The following SRGAP3 variants were observed in gnomAD, a reference collection of about 807,000 sequenced individuals.
SRGAP3 encodes the protein SLIT-ROBO Rho GTPase activating protein 3.
Under a neutral mutation model 121.1 loss-of-function variants are expected in SRGAP3, and 39 were observed. That is an observed-to-expected ratio of 0.32 (90% CI 0.25 to 0.42). The LOEUF (loss-of-function observed/expected upper bound fraction) is 0.42. SRGAP3 is among the 10% of genes least tolerant of loss of function. The pLI is 1.00. For missense variants in SRGAP3, 1,213 were observed against 1,470.6 expected, an observed-to-expected ratio of 0.82 and a Z score of 2.86; for synonymous variants, 601 against 570.0, an observed-to-expected ratio of 1.05 and a Z score of -0.77.
At chr3:8,999,744 G>A (rs1040340136) in intron 18 of SRGAP3, among the ~76,000 whole-genome samples, 1 of 152,114 alleles carries the variant, frequency 6.6e-6, no homozygotes, top group African/African-American at 2.4e-5. Context: ...ATGACCTTGG[G>A]TTCTTTCTTT....
intron 1 of SRGAP3, among the ~76,000 whole-genome samples, chr3:9,163,142 C>T (rs1341316196): frequency 6.6e-6 from 1 of 152,214 alleles, no homozygotes; most frequent in Non-Finnish European, 1.5e-5. Flanking sequence ...CTGTTAACAT[C>T]ATCTGGCCCA....
intron 3 of SRGAP3, among the ~76,000 whole-genome samples, chr3:9,103,454 T>C (rs1262555847): frequency 6.6e-6 from 1 of 152,150 alleles, no homozygotes; most frequent in African/African-American, 2.4e-5. Context: ...CCATGGGTAT[T>C]TATCTCCATC....
chr3:9,173,298 C>T (rs7623397), intron 1 of SRGAP3, among the ~76,000 whole-genome samples: 1,814 of 152,306 alleles, frequency 0.012, 36 homozygotes, highest in African/African-American at 0.041. Context: ...GTTCTAATGC[C>T]GGGGCTGTGC....
chr3:9,021,230 G>A (rs1027410735), intron 14 of SRGAP3, among the ~76,000 whole-genome samples: 5 of 152,212 alleles, frequency 3.3e-5, no homozygotes, highest in African/African-American at 1.2e-4. Context: ...TCCAAACCCT[G>A]CGTAGATATG....
At chr3:9,089,055 C>T (rs1017719735) in intron 3 of SRGAP3, among the ~76,000 whole-genome samples, 6 of 152,042 alleles carry the variant, frequency 3.9e-5, no homozygotes, top group South Asian at 2.1e-4. Flanking sequence ...TCCATTTACA[C>T]GGGTGTTTAT....
At chr3:9,128,836 G>C (rs989707449) in intron 1 of SRGAP3, among the ~76,000 whole-genome samples, 1 of 152,174 alleles carries the variant, frequency 6.6e-6, no homozygotes, top group East Asian at 1.9e-4. Context: ...AAAGAAGCCA[G>C]AACGAATGAG....
chr3:9,168,983 C>A (rs1484091577), intron 1 of SRGAP3, among the ~76,000 whole-genome samples: 2 of 152,226 alleles, frequency 1.3e-5, no homozygotes, highest in Non-Finnish European at 2.9e-5. Flanking sequence ...CAGGTGAGAG[C>A]AAGATTTCAG....
At chr3:9,325,839 T>A (rs1301967499) in intron 3 of SRGAP3, among the ~76,000 whole-genome samples, 1 of 151,948 alleles carries the variant, frequency 6.6e-6, no homozygotes, top group African/African-American at 2.4e-5. Context: ...TAAGTGTACA[T>A]AATAGACCCC....
intron 1 of SRGAP3, among the ~76,000 whole-genome samples, chr3:9,126,165 A>G (rs1019451421): frequency 2.0e-5 from 3 of 152,140 alleles, no homozygotes; most frequent in Non-Finnish European, 4.4e-5. Flanking sequence ...CTGCCTGACA[A>G]CGTGCCTCAG....
chr3:9,192,366 C>T (rs924511258), intron 1 of SRGAP3: 1 of 152,228 alleles, frequency 6.6e-6, no homozygotes, highest in African/African-American at 2.4e-5. Context: ...CATGCTGTAT[C>T]GGTTTGATTC....
rs1338773732 is a variant in SRGAP3, at chr3:8,990,594, T to C, written c.2804A>G (p.His935Arg). 2 of 1,604,064 alleles carry C rather than the reference T, an allele frequency of 1.2e-6. No homozygotes were observed. The highest frequency in any genetic ancestry group is 1.7e-5 in the Admixed American group (1 of 58,300). The change falls in exon 21 of 22, where the codon CAC becomes CGC. Residue 935 changes from histidine to arginine, a missense_variant. By Grantham distance (29) the His-to-Arg change is conservative (BLOSUM62 0). Around this residue, in one of 2 missense-constraint regions of SRGAP3, gnomAD observed 420 missense variants for 437.7 expected, o/e 0.96. Coordinates refer to ENST00000383836, the MANE Select transcript of SRGAP3 (RefSeq NM_014850.4). ...YPDKKALSEG[H>R]SMRSTCGSTR... is the part of the protein sequence containing the mutation. ...GGAACCGCAGGTCGACCTCATCGAG[T>C]GCCCTTCGGAGAGCGCCTTCTTGTC...
At chr3:9,262,221 G>A (rs899520800) in intron 3 of SRGAP3, among the ~76,000 whole-genome samples, 6 of 151,892 alleles carry the variant, frequency 4.0e-5, no homozygotes, top group African/African-American at 1.2e-4. Context: ...CACTAAATAT[G>A]GAAAGGAAAA....
intron 3 of SRGAP3, among the ~76,000 whole-genome samples, chr3:9,299,430 T>C (rs1052698259): frequency 4.0e-5 from 6 of 150,316 alleles, no homozygotes; most frequent in Non-Finnish European, 7.4e-5. Context: ...CCAACTAGCA[T>C]CCCCATCCAC....
intron 7 of SRGAP3, 100 bp downstream of exon 7, chr3:9,058,151 G>T: frequency 7.5e-7 from 1 of 1,329,124 alleles, no homozygotes; most frequent in Non-Finnish European, 1.1e-6. Flanking sequence ...CCAGGCGTCG[G>T]ATAGAAACTT....
chr3:9,022,125 G>A (rs1334365458), intron 14 of SRGAP3, among the ~76,000 whole-genome samples: 1 of 152,158 alleles, frequency 6.6e-6, no homozygotes, highest in African/African-American at 2.4e-5. Context: ...TCAGGAGATG[G>A]AGACCATCCT....
chr3:8,982,841 G>T lies in SRGAP3; in HGVS notation c.*2678C>A. On this transcript the variant is annotated 3_prime_UTR_variant, in exon 22 of 22. Transcript: ENST00000383836. Reference sequence around the variant, plus strand: ...TGAACTCATCAGCCATTTCCCAATGGAAAAAAAAAAAAAAGGTGCTTAAAG... The same window carrying T: ...TGAACTCATCAGCCATTTCCCAATGTAAAAAAAAAAAAAAGGTGCTTAAAG... 5.0e-6 allele frequency: 1 copy of T among 198,866 alleles called. No homozygotes were observed. Among genetic ancestry groups the T allele is most frequent in the Non-Finnish European group, 9.9e-6 (1 of 100,726 alleles). The allele number at this position is 198,866 out of a possible 1,614,324, so 12.3% of individuals were successfully genotyped here. A position where few individuals can be genotyped will look rare whatever the true frequency, so the allele number is the denominator to read the frequency against.
At chr3:9,123,762 G>GTGTGTGTGTA (rs1182513386) in intron 2 of SRGAP3, among the ~76,000 whole-genome samples, 1 of 149,026 alleles carries the variant, frequency 6.7e-6, no homozygotes, top group Admixed American at 6.7e-5. Flanking sequence ...GTGTATGTGT[G>GTGTGTGTGTA]TATATATGTA....
Position 9,034,606 on chromosome 3 carries a change from C to A in SRGAP3, c.1437-1854G>T, listed in dbSNP as rs1050764616. The A allele has an allele frequency of 2.0e-5, 3 of 152,204 alleles. No homozygotes were observed. The South Asian group carries it at 6.2e-4, about 31-fold the overall frequency. 9.4% of individuals were successfully genotyped at this position (152,204 alleles called of 1,614,324 possible). Reference sequence around the variant, plus strand: ...TATCATGCCACCCAAACAATGGAAACAAAATAACAGCACAGATCAAAATTT... The same window carrying A: ...TATCATGCCACCCAAACAATGGAAAAAAAATAACAGCACAGATCAAAATTT... On this transcript the variant is annotated intron_variant, in intron 11 of 21. Transcript: ENST00000383836.
intron 3 of SRGAP3, among the ~76,000 whole-genome samples, chr3:9,262,027 C>T (rs956133022): frequency 1.3e-5 from 2 of 152,156 alleles, no homozygotes; most frequent in African/African-American, 4.8e-5. Flanking sequence ...AGAAACCCTA[C>T]AAGCCAGAAC....
Sources: gnomAD v4.1 joint callset for allele counts (sites outside exome capture counted in the v4.1 genomes callset) on GRCh38, gnomAD v4.1.1 for gene constraint, gnomAD v4.1.1 regional missense constraint, MANE v1.5 for transcripts, NCBI Gene and HGNC (gene_info 2026-07-23, HGNC 2026-07-21) for gene names.